Variants in GGCT observed in about 807,000 individuals in gnomAD.
GGCT encodes gamma-glutamylcyclotransferase, also known as cytochrome c-releasing factor 21.
A neutral mutation model predicts 22.1 loss-of-function variants in GGCT; 20 were observed. The observed-to-expected ratio is 0.91, with a 90% CI of 0.64 to 1.32. GGCT has a LOEUF of 1.32. GGCT is among the 40% of genes most tolerant of loss of function. The pLI is 0.00. For missense variants in GGCT, 209 were observed against 223.5 expected (o/e 0.94, Z 0.41); for synonymous variants, 72 against 78.4 (o/e 0.92, Z 0.43).
At chr7:30,497,752 G>A (rs1275494182) in intron 3 of GGCT, 3 of 1,425,280 alleles carry the variant, frequency 2.1e-6, no homozygotes, top group Non-Finnish European at 2.8e-6. Context: ...TATTACAGGT[G>A]CCATGACCTG....
Position 30,504,826 on chromosome 7 carries a change from G to A in GGCT, c.-117C>T, listed in dbSNP as rs1415209210. The A allele has an allele frequency of 9.8e-7, 1 of 1,024,150 alleles. No individual in the cohort carries two copies. The highest frequency in any genetic ancestry group is 1.5e-6 in the Non-Finnish European group (1 of 676,354). The allele number at this position is 1,024,150 out of a possible 1,614,324, so 63.4% of individuals were successfully genotyped here. A position where few individuals can be genotyped will look rare whatever the true frequency, so the allele number is the denominator to read the frequency against. On this transcript the variant is annotated 5_prime_UTR_variant, in exon 1 of 4. Transcript: ENST00000275428. ...CCGCCGCGCGGCAGCCTCAGGGTTA[G>A]GGGACTGGCGGGAAGCGTGGGCCGG... is the stretch of plus-strand genomic sequence containing the variant.
At chr7:30,499,629 T>C in intron 2 of GGCT, among the ~76,000 whole-genome samples, 1 of 151,468 alleles carries the variant, frequency 6.6e-6, no homozygotes, top group African/African-American at 2.4e-5. Flanking sequence ...GGAGAATCAC[T>C]GGAACCCGGG....
rs957873182 is a variant in GGCT at position 30,496,855 on chromosome 7, G to A, written c.*237C>T. 1 of 309,800 alleles carries A rather than the reference G, an allele frequency of 3.2e-6. No individual in the cohort carries two copies. The highest frequency in any genetic ancestry group is 5.6e-5 in the East Asian group (1 of 18,018). 19.2% of individuals were successfully genotyped at this position (309,800 alleles called of 1,614,324 possible). A position where few individuals can be genotyped will look rare whatever the true frequency, so the allele number is the denominator to read the frequency against. On this transcript the variant is annotated 3_prime_UTR_variant, in exon 4 of 4. Coordinates refer to ENST00000275428, the MANE Select transcript of GGCT (RefSeq NM_024051.4). ...AATAGCTTTCAGTGTTCACAGAAGG[G>A]GTACTCACATTCATTTGTCACATAT... is the stretch of plus-strand genomic sequence containing the variant.
Position 30,499,027 on chromosome 7 carries a change from G to A in GGCT, c.288-89C>T, listed in dbSNP as rs1256884220. The A allele has an allele frequency of 3.5e-6, 4 of 1,131,112 alleles. No homozygotes were observed. In the East Asian group the frequency reaches 7.0e-5, roughly 20 times the overall value. 70.1% of individuals were successfully genotyped at this position (1,131,112 alleles called of 1,614,324 possible). A position where few individuals can be genotyped will look rare whatever the true frequency, so the allele number is the denominator to read the frequency against. ...GTCTTTTTATAATAGTCAAGATGGT[G>A]TATGGGATTAAACATTTAACTACAT... On this transcript the variant is annotated intron_variant, in intron 2 of 3. Transcript: ENST00000275428.
chr7:30,499,048 TA>T (rs1789632089), intron 2 of GGCT, 110 bp from the exon 3 acceptor site: 1 of 913,666 alleles, frequency 1.1e-6, no homozygotes, highest in African/African-American at 1.6e-5. Flanking sequence ...AACATTTAAC[TA>T]CATCTGAACA....
rs575527887 is a variant in GGCT, at chr7:30,497,156, T to C, written c.503A>G (p.Tyr168Cys). ...EKLKAIEPND[Y>C]TGKVSEEIED... Reference sequence around the variant, plus strand: ...AATTTCTTCTGAGACCTTTCCTGTATAGTCATTTGGTTCTATTGCTTTTAA... The same window carrying C: ...AATTTCTTCTGAGACCTTTCCTGTACAGTCATTTGGTTCTATTGCTTTTAA... Residue 168 changes from tyrosine to cysteine, a missense_variant, in exon 4 of 4, where the codon TAT (tyrosine) becomes TGT (cysteine). Tyr to Cys is a radical substitution (Grantham distance 194, BLOSUM62 -2). Transcript: ENST00000275428. 2.2e-4 allele frequency: 356 copies of C among 1,609,498 alleles called. 7 individuals are homozygous for C. In the South Asian group the frequency reaches 3.6e-3, roughly 16 times the overall value.
chr7:30,503,190 TCATACGCCC>T (rs1789742412), intron 1 of GGCT, among the ~76,000 whole-genome samples: 1 of 152,230 alleles, frequency 6.6e-6, no homozygotes, highest in Non-Finnish European at 1.5e-5. Context: ...GGTACCCTGG[TCATACGCCC>T]CATTGCACTT....
chr7:30,499,182 T>G, intron 2 of GGCT: 1 of 465,400 alleles, frequency 2.1e-6, no homozygotes, highest in South Asian at 2.1e-5. Context: ...GAGGCTGAGG[T>G]GGATCACTTG....
At chr7:30,497,876 G>A (rs1471703790) in intron 3 of GGCT, 2 of 1,447,360 alleles carry the variant, frequency 1.4e-6, no homozygotes, top group Non-Finnish European at 1.8e-6. Flanking sequence ...CTGAAAGGCA[G>A]TGTGACGTTT....
chr7:30,500,186 CA>C (rs1789667510), intron 2 of GGCT, among the ~76,000 whole-genome samples: 1 of 152,170 alleles, frequency 6.6e-6, no homozygotes, highest in Non-Finnish European at 1.5e-5. Context: ...AAACTGAATT[CA>C]AGTACTTTCA....
In GGCT at chr7:30,504,757, G is replaced by A. The variant is rs746349095; in HGVS notation, c.-48C>T. On this transcript the variant is annotated 5_prime_UTR_variant, in exon 1 of 4. Transcript: ENST00000275428. Reference sequence around the variant, plus strand: ...GAGCCTGAAGCAGAGTGTAAGGAACGGCCAGAGAGCGCAACACTGGGGCCC... The same window carrying A: ...GAGCCTGAAGCAGAGTGTAAGGAACAGCCAGAGAGCGCAACACTGGGGCCC... 2.5e-6 allele frequency: 4 copies of A among 1,595,400 alleles called. No individual in the cohort carries two copies. Among genetic ancestry groups the A allele is most frequent in the Non-Finnish European group, 3.4e-6 (4 of 1,164,174 alleles).
chr7:30,497,513 T>C (rs184081726), intron 3 of GGCT: 80 of 370,854 alleles, frequency 2.2e-4, no homozygotes, highest in African/African-American at 1.5e-3. Flanking sequence ...AACATATCTA[T>C]ATAAAATTTA....
chr7:30,500,474 C>A (rs1789673200), intron 2 of GGCT, 62 bp downstream of exon 2: 1 of 1,335,378 alleles, frequency 7.5e-7, no homozygotes, highest in South Asian at 1.2e-5. Context: ...AGGTACACAT[C>A]CTCACATACA....
Position 30,500,561 on chromosome 7 carries a change from T to C in GGCT, c.262A>G (p.Lys88Glu). ...TCATCCAGAGAATTTAAATTGCTTT[T>C]GTTCATTTTCCATACTACTCCCCAC... is the stretch of plus-strand genomic sequence containing the variant. ...EVWGVVWKMN[K>E]SNLNSLDEQE... Residue 88 changes from lysine to glutamate, a missense_variant, in exon 2 of 4, where the codon AAA becomes GAA. Lys to Glu is a moderately conservative substitution (Grantham distance 56). Coordinates refer to ENST00000275428, the MANE Select transcript of GGCT (RefSeq NM_024051.4). 1 of 1,613,634 alleles carries C rather than the reference T, an allele frequency of 6.2e-7. No homozygotes were observed. Among genetic ancestry groups the C allele is most frequent in the Non-Finnish European group, 8.5e-7 (1 of 1,179,630 alleles).
intron 1 of GGCT, among the ~76,000 whole-genome samples, chr7:30,503,646 G>A (rs571642902): frequency 2.0e-5 from 3 of 152,244 alleles, no homozygotes; most frequent in Non-Finnish European, 2.9e-5. Context: ...AAGAGGCTCC[G>A]TGGGCTGGTT....
At chr7:30,498,334 A>G (rs1301811810) in intron 3 of GGCT, among the ~76,000 whole-genome samples, 1 of 152,052 alleles carries the variant, frequency 6.6e-6, no homozygotes, top group Non-Finnish European at 1.5e-5. Flanking sequence ...TCTGTACATT[A>G]GGTAAATAAC....
At chr7:30,503,946 C>G (rs996009635) in intron 1 of GGCT, among the ~76,000 whole-genome samples, 6 of 152,046 alleles carry the variant, frequency 3.9e-5, no homozygotes, top group Non-Finnish European at 7.4e-5. Flanking sequence ...GAGAGTTCCT[C>G]GAAACAGCCA....
chr7:30,497,691 T>C, intron 3 of GGCT: 1 of 1,070,832 alleles, frequency 9.3e-7, no homozygotes, highest in Non-Finnish European at 1.2e-6. Context: ...GGCTAATTTC[T>C]CTAGGTTTCA....
At chr7:30,499,006 T>G in intron 2 of GGCT, 68 bp from the exon 3 acceptor site, 1 of 1,394,426 alleles carries the variant, frequency 7.2e-7, no homozygotes, top group South Asian at 1.2e-5. Flanking sequence ...GGTAAGGTCT[T>G]TTTATAATAG....
Sources: allele counts gnomAD v4.1 joint callset (sites outside exome capture counted in the v4.1 genomes callset), GRCh38; gene constraint gnomAD v4.1.1; transcripts MANE v1.5; gene names NCBI Gene and HGNC (gene_info 2026-07-23, HGNC 2026-07-21).